AP2A2: variants seen among roughly 807,000 people sequenced by gnomAD.
AP2A2 encodes the protein AP-2 complex subunit alpha-2.
AP2A2 carries 32 observed loss-of-function variants against 104.2 expected under a neutral mutation model. That is an observed-to-expected ratio of 0.31 (90% CI 0.23 to 0.41). The LOEUF (loss-of-function observed/expected upper bound fraction) is 0.41, where lower values mean the gene tolerates loss of function less well. AP2A2 is among the 10% of genes least tolerant of loss of function. The probability of loss-of-function intolerance (pLI) is 1.00; values close to 1 mark genes in which losing one functional copy is unlikely to be tolerated. For missense variants in AP2A2, 912 were observed against 1,261.0 expected (o/e 0.72, Z 4.19); for synonymous variants, 539 against 533.3 (o/e 1.01, Z -0.15).
Position 986,791 on chromosome 11 carries a change from G to C in AP2A2, c.969G>C (p.Pro323=). ...TTCCCCTCCCTCCACACAGTGAGCC[G>C]AACCTGCTCGTCCGTGCCTGCAACC... ...ISLIIHHDSE[P]NLLVRACNQL... Residue 323 remains proline, a synonymous_variant, in exon 9 of 22, where the codon CCG becomes CCC. Coordinates refer to ENST00000448903, the MANE Select transcript of AP2A2 (RefSeq NM_012305.4). The C allele has an allele frequency of 6.2e-7, 1 of 1,613,066 alleles. No individual in the cohort carries two copies. Among genetic ancestry groups the C allele is most frequent in the Non-Finnish European group, 8.5e-7 (1 of 1,179,746 alleles).
chr11:967,282 C>T (rs1854648602), intron 2 of AP2A2, among the ~76,000 whole-genome samples: 1 of 152,222 alleles, frequency 6.6e-6, no homozygotes, highest in Non-Finnish European at 1.5e-5. Context: ...AGATGGTGCT[C>T]ATGAACCTGT....
chr11:1,009,900 T>C lies in AP2A2; in HGVS notation c.2742+83T>C, dbSNP rs1415885136. 1.1e-5 allele frequency: 16 copies of C among 1,460,680 alleles called. No individual in the cohort carries two copies. The East Asian group carries it at 3.3e-4, about 30-fold the overall frequency. The allele number at this position is 1,460,680 out of a possible 1,614,324, so 90.5% of individuals were successfully genotyped here. A position where few individuals can be genotyped will look rare whatever the true frequency, so the allele number is the denominator to read the frequency against. On this transcript the variant is annotated intron_variant, in intron 21 of 21. Transcript: ENST00000448903. Reference sequence around the variant, plus strand: ...GTACGTGGTGAGATGTGTAGCTCTTTAGTGCAGTTCAGTCAGTTTTGACAG... The same window carrying C: ...GTACGTGGTGAGATGTGTAGCTCTTCAGTGCAGTTCAGTCAGTTTTGACAG...
intron 5 of AP2A2, among the ~76,000 whole-genome samples, chr11:977,911 A>G (rs1468935371): frequency 1.3e-5 from 2 of 152,254 alleles, no homozygotes; most frequent in East Asian, 3.9e-4. Context: ...AGGGCCGAGA[A>G]TGCCACTTTC....
rs757703015 is a variant in AP2A2 at position 993,859 on chromosome 11, G to A, written c.1656G>A (p.Pro552=). 3.3e-5 allele frequency: 53 copies of A among 1,609,532 alleles called. No individual in the cohort carries two copies. The highest frequency in any genetic ancestry group is 5.0e-5 in the Admixed American group (3 of 59,914). The change falls in exon 13 of 22, where the codon CCG becomes CCA. Residue 552 remains proline (P), a synonymous_variant. Coordinates refer to ENST00000448903, the MANE Select transcript of AP2A2 (RefSeq NM_012305.4). The surrounding 1 kb of genome is among the most constrained non-coding windows in gnomAD (Gnocchi z 8.2). ...STYIKFVNLF[P]EVKPTIQDVL... is the part of the protein sequence containing the mutation. ...ACATCAAGTTCGTGAACCTCTTCCC[G>A]GAGGTGAAGCCCACCATCCAGGACG...
At chr11:1,009,922 AC>A (rs1856363767) in intron 21 of AP2A2, 105 bp downstream of exon 21, 1 of 1,394,364 alleles carries the variant, frequency 7.2e-7, no homozygotes, top group Admixed American at 2.3e-5. Context: ...GTCAGTTTTG[AC>A]AGATGTTGTT....
chr11:1,007,032 G>A (rs1305053920), intron 17 of AP2A2: 2 of 163,140 alleles, frequency 1.2e-5, no homozygotes, highest in African/African-American at 4.8e-5. Context: ...GAGCTTGTGT[G>A]TGCTTCTGGC....
intron 1 of AP2A2, among the ~76,000 whole-genome samples, chr11:929,854 G>C (rs778290047): frequency 3.5e-4 from 54 of 152,198 alleles, no homozygotes; most frequent in Admixed American, 1.5e-3. Flanking sequence ...GGGTGCGGTG[G>C]CTCACGCTTG....
rs1403967157 is a variant in AP2A2 at position 1,011,005 on chromosome 11, G to A, written c.*380G>A. 1.4e-6 allele frequency: 1 copy of A among 692,076 alleles called. No homozygotes were observed. The highest frequency in any genetic ancestry group is 1.8e-5 in the Admixed American group (1 of 55,524). The allele number at this position is 692,076 out of a possible 1,614,324, so 42.9% of individuals were successfully genotyped here. On this transcript the variant is annotated 3_prime_UTR_variant, in exon 22 of 22. Coordinates refer to ENST00000448903, the MANE Select transcript of AP2A2 (RefSeq NM_012305.4). ...CCCCGCCTCGGAGCCTCTGGGAGCAGCAGTGCCACTGTGCATGGCGTGGGC... is the reference window on the plus strand; with the variant it reads ...CCCCGCCTCGGAGCCTCTGGGAGCAACAGTGCCACTGTGCATGGCGTGGGC...
chr11:988,630 A>G lies in AP2A2; in HGVS notation c.1210A>G (p.Ile404Val), dbSNP rs1180486057. 1.2e-6 allele frequency: 2 copies of G among 1,613,632 alleles called. No homozygotes were observed. Among genetic ancestry groups the G allele is most frequent in the Non-Finnish European group, 1.7e-6 (2 of 1,179,890 alleles). The change falls in exon 10 of 22, where the codon ATC (isoleucine) becomes GTC (valine). Residue 404 changes from isoleucine (I) to valine (V), a missense_variant. By Grantham distance (29) the Ile-to-Val change is conservative. Transcript: ENST00000448903. Reference sequence around the variant, plus strand: ...GTGCGACCGCAGCAACGCCCCACAGATCGTGGCCGAGATGCTGAGCTATCT... The same window carrying G: ...GTGCGACCGCAGCAACGCCCCACAGGTCGTGGCCGAGATGCTGAGCTATCT... Reference protein sequence around the residue: ...AMCDRSNAPQIVAEMLSYLET... With the variant: ...AMCDRSNAPQVVAEMLSYLET...
chr11:1,000,392 G>A (rs991157135), intron 14 of AP2A2, 40 bp from the exon 15 acceptor site: 1 of 1,539,922 alleles, frequency 6.5e-7, no homozygotes, highest in Non-Finnish European at 8.7e-7. Context: ...GGCCAGGCCA[G>A]GGAGGCTCTC....
chr11:938,818 C>T (rs1028335233), intron 1 of AP2A2, among the ~76,000 whole-genome samples: 6 of 152,138 alleles, frequency 3.9e-5, no homozygotes, highest in Admixed American at 3.9e-4. Context: ...GCTTTCTAGT[C>T]TGTTCTATGA....
At chr11:1,005,394 C>T (rs1353048084) in intron 16 of AP2A2, among the ~76,000 whole-genome samples, 1 of 152,202 alleles carries the variant, frequency 6.6e-6, no homozygotes, top group Non-Finnish European at 1.5e-5. Context: ...AAGATGAGAA[C>T]GTTCTGGAGA....
chr11:1,004,859 C>T (rs1856152393), intron 16 of AP2A2, among the ~76,000 whole-genome samples: 1 of 151,956 alleles, frequency 6.6e-6, no homozygotes, highest in Non-Finnish European at 1.5e-5. Flanking sequence ...GTCTGCAGGG[C>T]GTGGTGACGT....
intron 15 of AP2A2, 95 bp downstream of exon 15, chr11:1,000,693 C>CGGA: frequency 7.6e-7 from 1 of 1,319,914 alleles, no homozygotes; most frequent in Non-Finnish European, 1.0e-6. Flanking sequence ...AGGTGGGCAG[C>CGGA]GGAGTTTACC....
intron 5 of AP2A2, among the ~76,000 whole-genome samples, chr11:977,473 C>T (rs552614137): frequency 2.5e-4 from 37 of 150,404 alleles, no homozygotes; most frequent in African/African-American, 8.8e-4. Context: ...ACACCCCCAG[C>T]TGAGACACGT....
chr11:932,204 C>T (rs184668036), intron 1 of AP2A2, among the ~76,000 whole-genome samples: 14 of 152,322 alleles, frequency 9.2e-5, no homozygotes, highest in Admixed American at 7.2e-4. Context: ...CCACCTGCCT[C>T]GGCCTCCCAA....
At chr11:929,579 C>T (rs997155987) in intron 1 of AP2A2, among the ~76,000 whole-genome samples, 5 of 152,196 alleles carry the variant, frequency 3.3e-5, no homozygotes, top group African/African-American at 1.2e-4. Context: ...TGACCAGTTT[C>T]TTAAGTTTTC....
intron 16 of AP2A2, among the ~76,000 whole-genome samples, chr11:1,005,274 C>T (rs1474359917): frequency 2.6e-5 from 4 of 152,228 alleles, no homozygotes; most frequent in African/African-American, 7.2e-5. Context: ...TCCACTCATG[C>T]GGTCCCTAGA....
chr11:1,008,917 G>A, intron 18 of AP2A2, 183 bp from the exon 19 acceptor site: 1 of 604,884 alleles, frequency 1.7e-6, no homozygotes, highest in South Asian at 2.0e-5. Flanking sequence ...CTGTCCTCCT[G>A]TCTGTGGGTG....
Sources: gnomAD v4.1 joint callset for allele counts (sites outside exome capture counted in the v4.1 genomes callset) on GRCh38, gnomAD v4.1.1 for gene constraint, Gnocchi (gnomAD v3.1) non-coding constraint, MANE v1.5 for transcripts, NCBI Gene and HGNC (gene_info 2026-07-23, HGNC 2026-07-21) for gene names.